The following PLCB1 variants were observed in gnomAD, a reference collection of about 807,000 sequenced individuals.
PLCB1 encodes the protein phospholipase C beta 1.
PLCB1 carries 46 observed loss-of-function variants against 161.8 expected under a neutral mutation model. That is an observed-to-expected ratio of 0.28 (90% CI 0.22 to 0.36). The LOEUF (loss-of-function observed/expected upper bound fraction) is 0.36, where lower values mean the gene tolerates loss of function less well. Ranked by LOEUF, PLCB1 falls within the 10% of genes least tolerant of loss-of-function variation. The pLI is 1.00. For synonymous variants in PLCB1, 517 were observed against 503.7 expected (o/e 1.03, Z -0.35); for missense variants, 1,016 against 1,472.5 (o/e 0.69, Z 5.07).
chr20:8,482,878 A>T (rs1358099721), intron 3 of PLCB1, among the ~76,000 whole-genome samples: 2 of 149,186 alleles, frequency 1.3e-5, no homozygotes, highest in Non-Finnish European at 3.0e-5. Context: ...GGCAAATGTA[A>T]GCAGGGCAGG....
At chr20:8,289,467 G>A (rs1983282052) in intron 2 of PLCB1, among the ~76,000 whole-genome samples, 1 of 152,150 alleles carries the variant, frequency 6.6e-6, no homozygotes, top group South Asian at 2.1e-4. Context: ...CTTCATAACA[G>A]CTCGGTGAAA....
chr20:8,528,567 C>CT (rs1256471466), intron 3 of PLCB1, among the ~76,000 whole-genome samples: 1 of 152,004 alleles, frequency 6.6e-6, no homozygotes, highest in Non-Finnish European at 1.5e-5. Flanking sequence ...TGAAGATACT[C>CT]TATCTTCTTT....
At chr20:8,776,452 A>G (rs1197344809) in intron 27 of PLCB1, among the ~76,000 whole-genome samples, 5 of 152,196 alleles carry the variant, frequency 3.3e-5, no homozygotes, top group Non-Finnish European at 1.5e-5. Context: ...TCCTGCTCAC[A>G]CAGAGAGCAC....
chr20:8,509,645 T>A (rs978847), intron 3 of PLCB1, among the ~76,000 whole-genome samples: 52,194 of 151,460 alleles, frequency 0.34, 9,112 homozygotes, highest in Admixed American at 0.38. Flanking sequence ...AAAAGAGAGG[T>A]CAGTTAAAAA....
chr20:8,713,722 G>A (rs1436683855), intron 12 of PLCB1, among the ~76,000 whole-genome samples: 1 of 152,140 alleles, frequency 6.6e-6, no homozygotes, highest in Non-Finnish European at 1.5e-5. Context: ...AGAATTATCT[G>A]CAGTCTGGCT....
At chr20:8,364,835 C>T (rs1986658422) in intron 2 of PLCB1, among the ~76,000 whole-genome samples, 1 of 152,160 alleles carries the variant, frequency 6.6e-6, no homozygotes, top group South Asian at 2.1e-4. Context: ...TTTTCATTTA[C>T]CTATAACACA....
chr20:8,826,596 A>G (rs752030474), intron 31 of PLCB1, among the ~76,000 whole-genome samples: 31 of 151,998 alleles, frequency 2.0e-4, no homozygotes, highest in Non-Finnish European at 3.1e-4. Context: ...CAGCACTAGG[A>G]TTGTAAGGGC....
chr20:8,838,927 C>G (rs553209850), intron 31 of PLCB1, among the ~76,000 whole-genome samples: 1 of 152,156 alleles, frequency 6.6e-6, no homozygotes, highest in African/African-American at 2.4e-5. Context: ...CAATAAGGCT[C>G]GTGAGAAGCA....
rs183725239 is a variant in PLCB1 at position 8,741,624 on chromosome 20, C to G, written c.2523+51C>G. On this transcript the variant is annotated intron_variant, in intron 23 of 31. Transcript: ENST00000338037. ...ATAGCATTAAGCATGATCACCACAC[C>G]TACTTGTTGGCTTTGCCTAAGTAAT... The G allele has an allele frequency of 3.5e-5, 42 of 1,213,420 alleles. No individual in the cohort carries two copies. In the African/African-American group the frequency reaches 5.7e-4, roughly 16 times the overall value. 75.2% of individuals were successfully genotyped at this position (1,213,420 alleles called of 1,614,324 possible).
At chr20:8,381,855 C>T (rs1987262905) in intron 3 of PLCB1, among the ~76,000 whole-genome samples, 3 of 151,908 alleles carry the variant, frequency 2.0e-5, no homozygotes, top group Admixed American at 2.0e-4. Flanking sequence ...TTAGTCTAGC[C>T]AGCAGTCTAT....
At chr20:8,616,923 A>G (rs1988054512) in intron 3 of PLCB1, among the ~76,000 whole-genome samples, 1 of 152,214 alleles carries the variant, frequency 6.6e-6, no homozygotes, top group Non-Finnish European at 1.5e-5. Context: ...GCTAGGCCCA[A>G]CAGGACTATT....
intron 3 of PLCB1, among the ~76,000 whole-genome samples, chr20:8,479,037 A>C (rs1318076257): frequency 6.6e-6 from 1 of 152,170 alleles, no homozygotes. Flanking sequence ...GCAAACTGGC[A>C]TGAGTATTCT....
intron 2 of PLCB1, among the ~76,000 whole-genome samples, chr20:8,225,213 C>G (rs571606976): frequency 1.3e-5 from 2 of 152,284 alleles, no homozygotes; most frequent in South Asian, 4.1e-4. Context: ...TACATGTTTT[C>G]AATATCCTAT....
chr20:8,178,888 G>A (rs149580003), intron 2 of PLCB1, among the ~76,000 whole-genome samples: 5 of 152,316 alleles, frequency 3.3e-5, no homozygotes, highest in African/African-American at 1.2e-4. Context: ...TATTGAATAG[G>A]CAATCCATTC....
intron 3 of PLCB1, among the ~76,000 whole-genome samples, chr20:8,439,048 A>C (rs2122604902): frequency 6.6e-6 from 1 of 152,296 alleles, no homozygotes; most frequent in Middle Eastern, 3.4e-3. Flanking sequence ...CAATTATTTT[A>C]AGCAGCTCTT....
At chr20:8,653,363 G>A (rs1270755549) in intron 7 of PLCB1, 1 of 151,928 alleles carries the variant, frequency 6.6e-6, no homozygotes, top group Non-Finnish European at 1.5e-5. Flanking sequence ...TAAATCAGAA[G>A]CAATCACTTT....
At chr20:8,513,611 T>A (rs1052108456) in intron 3 of PLCB1, among the ~76,000 whole-genome samples, 6 of 152,220 alleles carry the variant, frequency 3.9e-5, no homozygotes, top group Non-Finnish European at 7.3e-5. Flanking sequence ...CCCTGCCAGT[T>A]GCTATGAGAT....
intron 19 of PLCB1, among the ~76,000 whole-genome samples, chr20:8,735,307 A>T (rs1425604429): frequency 6.6e-6 from 1 of 152,226 alleles, no homozygotes; most frequent in Admixed American, 6.5e-5. Flanking sequence ...TAAAACAATG[A>T]CACAGAGGCA....
intron 1 of PLCB1, among the ~76,000 whole-genome samples, chr20:8,143,235 C>T (rs1002825711): frequency 1.3e-5 from 2 of 152,160 alleles, no homozygotes; most frequent in African/African-American, 4.8e-5. Flanking sequence ...CTGTCCTTAC[C>T]TCCTACCTAC....
Sources: gnomAD v4.1 joint callset for allele counts (sites outside exome capture counted in the v4.1 genomes callset) on GRCh38, gnomAD v4.1.1 for gene constraint, MANE v1.5 for transcripts, NCBI Gene and HGNC (gene_info 2026-07-23, HGNC 2026-07-21) for gene names.